Variants in BANF1 observed in about 807,000 individuals in gnomAD.
The protein encoded by BANF1 is barrier-to-autointegration factor.
For missense variants in BANF1, 47 were observed against 110.4 expected (o/e 0.43, Z 2.57); for synonymous variants, 49 against 43.7 (o/e 1.12, Z -0.48).
chr11:66,003,608 C>T lies in BANF1; in HGVS notation c.124-18C>T. The T allele has an allele frequency of 6.8e-6, 11 of 1,614,140 alleles. No individual in the cohort carries two copies. The highest frequency in any genetic ancestry group is 9.3e-6 in the Non-Finnish European group (11 of 1,180,012). On this transcript the variant is annotated intron_variant, in intron 2 of 2. Coordinates refer to ENST00000312175, the MANE Select transcript of BANF1 (RefSeq NM_003860.4). Reference sequence around the variant, plus strand: ...TGAGCACTGAGCAGCACGCTCCTTCCTTTTCCCTGTTTTGCAGGCCTATGT... The same window carrying T: ...TGAGCACTGAGCAGCACGCTCCTTCTTTTTCCCTGTTTTGCAGGCCTATGT...
intron 1 of BANF1, 60 bp downstream of exon 1, chr11:66,002,630 G>A (rs1053591446): frequency 2.6e-5 from 4 of 152,210 alleles, no homozygotes; most frequent in African/African-American, 9.7e-5. Flanking sequence ...CGGGGAGAAG[G>A]GGAGGAGAGG....
chr11:66,003,230 C>T lies in BANF1; in HGVS notation c.-16-5C>T, dbSNP rs564380108. 7.4e-6 allele frequency: 12 copies of T among 1,611,824 alleles called. No individual in the cohort carries two copies. Among genetic ancestry groups the T allele is most frequent in the African/African-American group, 4.0e-5 (3 of 74,652 alleles). On this transcript the variant is annotated splice_polypyrimidine_tract_variant and splice_region_variant and intron_variant, in intron 1 of 2. Coordinates refer to ENST00000312175, the MANE Select transcript of BANF1 (RefSeq NM_003860.4). ...CCTAATCTGCCTTTTTTTTGGGATTCCTAGATTAAGCCTGATCAAGATGAC... is the reference window on the plus strand; with the variant it reads ...CCTAATCTGCCTTTTTTTTGGGATTTCTAGATTAAGCCTGATCAAGATGAC...
intron 1 of BANF1, 102 bp from the exon 2 acceptor site, chr11:66,003,133 C>T: frequency 7.8e-7 from 1 of 1,285,806 alleles, no homozygotes; most frequent in East Asian, 2.4e-5. Context: ...GAGCAAGCCA[C>T]TGTAACCCCT....
In BANF1 at chr11:66,004,029, C is replaced by A. The variant is rs1254845409; in HGVS notation, c.*257C>A. On this transcript the variant is annotated 3_prime_UTR_variant, in exon 3 of 3. Coordinates refer to ENST00000312175, the MANE Select transcript of BANF1 (RefSeq NM_003860.4). ...CCAGCTTTCCTGAATGGATTCCCGG[C>A]CCCATCCCTCACCCCCACCCTCACT... 4.0e-6 allele frequency: 2 copies of A among 498,208 alleles called. No individual in the cohort carries two copies. Among genetic ancestry groups the A allele is most frequent in the Middle Eastern group, 5.7e-4 (1 of 1,768 alleles). The allele number at this position is 498,208 out of a possible 1,614,324, so 30.9% of individuals were successfully genotyped here. A position where few individuals can be genotyped will look rare whatever the true frequency, so the allele number is the denominator to read the frequency against.
chr11:66,002,846 A>AG lies in BANF1; in HGVS notation c.-17+277dup, dbSNP rs1294657179. 1.4e-5 allele frequency: 4 copies of AG among 291,854 alleles called. No individual in the cohort carries two copies. In the East Asian group the frequency reaches 4.1e-4, roughly 30 times the overall value. 18.1% of individuals were successfully genotyped at this position (291,854 alleles called of 1,614,324 possible). A position where few individuals can be genotyped will look rare whatever the true frequency, so the allele number is the denominator to read the frequency against. On this transcript the variant is annotated intron_variant, in intron 1 of 2. Transcript: ENST00000312175. ...TGTGCGCTTCGCCCTGTAGGTAGAG[A>AG]GACCCTTTGGTTAGCTTTCCACGCC...
chr11:66,003,895 G>C lies in BANF1; in HGVS notation c.*123G>C. On this transcript the variant is annotated 3_prime_UTR_variant, in exon 3 of 3. Transcript: ENST00000312175. ...GTCGTACTCACCTCCGACGTACTCCGGGGTCTTTTGGGAGTTTTCTCCCCT... is the reference window on the plus strand; with the variant it reads ...GTCGTACTCACCTCCGACGTACTCCCGGGTCTTTTGGGAGTTTTCTCCCCT... 2 of 1,404,812 alleles carry C rather than the reference G, an allele frequency of 1.4e-6. No individual in the cohort carries two copies. The highest frequency in any genetic ancestry group is 2.0e-6 in the Non-Finnish European group (2 of 1,020,402). The allele number at this position is 1,404,812 out of a possible 1,614,324, so 87.0% of individuals were successfully genotyped here. A position where few individuals can be genotyped will look rare whatever the true frequency, so the allele number is the denominator to read the frequency against.
Position 66,003,240 on chromosome 11 carries a change from G to A in BANF1, c.-11G>A. The A allele has an allele frequency of 6.2e-7, 1 of 1,612,872 alleles. No individual in the cohort carries two copies. Among genetic ancestry groups the A allele is most frequent in the Non-Finnish European group, 8.5e-7 (1 of 1,179,802 alleles). On this transcript the variant is annotated 5_prime_UTR_variant, in exon 2 of 3. Transcript: ENST00000312175. ...CTTTTTTTTGGGATTCCTAGATTAA[G>A]CCTGATCAAGATGACAACCTCCCAA...
Position 66,003,763 on chromosome 11 carries a change from C to G in BANF1, c.261C>G (p.Ala87=). 1 of 1,614,076 alleles carries G rather than the reference C, an allele frequency of 6.2e-7. No individual in the cohort carries two copies. Among genetic ancestry groups the G allele is most frequent in the Middle Eastern group, 1.7e-4 (1 of 6,042 alleles). The change falls in exon 3 of 3, where the codon GCC becomes GCG. Residue 87 remains alanine, a synonymous_variant. Coordinates refer to ENST00000312175, the MANE Select transcript of BANF1 (RefSeq NM_003860.4). ...GATGCCTTCGAGAGTGGTGCGACGC[C>G]TTCTTGTGATGCTCTCTGGGAAGCT... is the stretch of plus-strand genomic sequence containing the variant. ...CFGCLREWCD[A]FL
Position 66,003,637 on chromosome 11 carries a change from C to T in BANF1, c.135C>T (p.Val45=), listed in dbSNP as rs888718501. 1 of 1,614,124 alleles carries T rather than the reference C, an allele frequency of 6.2e-7. No individual in the cohort carries two copies. Among genetic ancestry groups the T allele is most frequent in the Non-Finnish European group, 8.5e-7 (1 of 1,180,034 alleles). ...TCCCTGTTTTGCAGGCCTATGTTGT[C>T]CTTGGCCAGTTTCTGGTGCTAAAGA... is the stretch of plus-strand genomic sequence containing the variant. ...EERGFDKAYV[V]LGQFLVLKKD... The change falls in exon 3 of 3, where the codon GTC becomes GTT. Residue 45 remains valine, a synonymous_variant. Coordinates refer to ENST00000312175, the MANE Select transcript of BANF1 (RefSeq NM_003860.4).
At chr11:66,003,480 C>G in intron 2 of BANF1, 107 bp downstream of exon 2, 2 of 1,608,484 alleles carry the variant, frequency 1.2e-6, no homozygotes, top group Admixed American at 3.4e-5. Context: ...CTGCCAGAGC[C>G]TGGGCACCTG....
In BANF1 at chr11:66,003,341, G is replaced by A; in HGVS notation, c.91G>A (p.Gly31Ser). 3 of 1,613,774 alleles carry A rather than the reference G, an allele frequency of 1.9e-6. No individual in the cohort carries two copies. Among genetic ancestry groups the A allele is most frequent in the Non-Finnish European group, 2.5e-6 (3 of 1,179,844 alleles). The change falls in exon 2 of 3, where the codon GGC (glycine) becomes AGC (serine). Residue 31 changes from glycine to serine, a missense_variant. Coordinates refer to ENST00000312175, the MANE Select transcript of BANF1 (RefSeq NM_003860.4). Reference protein sequence around the residue: ...GSLAGIGEVLGKKLEERGFDK... With the variant: ...GSLAGIGEVLSKKLEERGFDK... ...CCTGGCTGGGATTGGTGAAGTCCTG[G>A]GCAAGAAGCTGGAGGAAAGGGGTTT...
At chr11:66,002,788 C>G (rs1297263798) in intron 1 of BANF1, 1 of 163,408 alleles carries the variant, frequency 6.1e-6, no homozygotes, top group Non-Finnish European at 1.3e-5. Flanking sequence ...GCGTGAACCC[C>G]GCGGGCGGGG....
chr11:66,003,033 A>T, intron 1 of BANF1: 1 of 596,094 alleles, frequency 1.7e-6, no homozygotes, highest in East Asian at 3.1e-5. Context: ...GCAAGATCAA[A>T]ATCCAGGTCC....
Sources: allele counts gnomAD v4.1 joint callset, GRCh38; gene constraint gnomAD v4.1.1; transcripts MANE v1.5; gene names NCBI Gene and HGNC (gene_info 2026-07-23, HGNC 2026-07-21).